Variants in ANO3 observed in about 807,000 individuals in gnomAD.
ANO3 encodes the protein anoctamin 3.
In ANO3, 99 loss-of-function variants were observed where a neutral mutation model predicts 144.8. The ratio of observed to expected loss-of-function variants is 0.68; its 90% CI spans 0.58 to 0.81. ANO3 has a LOEUF of 0.81. Ranked by LOEUF, ANO3 falls within the 30% of genes least tolerant of loss-of-function variation. The probability of loss-of-function intolerance (pLI) is 0.00; values close to 1 mark genes in which losing one functional copy is unlikely to be tolerated. For synonymous variants in ANO3, 414 were observed against 392.6 expected (o/e 1.05, Z -0.64); for missense variants, 905 against 1,202.2 (o/e 0.75, Z 3.66).
chr11:26,442,427 C>T (rs1024348052), intron 2 of ANO3, among the ~76,000 whole-genome samples: 1 of 152,310 alleles, frequency 6.6e-6, no homozygotes, highest in Non-Finnish European at 1.5e-5. Context: ...CTGGCGAGAA[C>T]TTATAACCAG....
intron 1 of ANO3, among the ~76,000 whole-genome samples, chr11:26,389,046 A>G (rs981467675): frequency 6.6e-6 from 1 of 152,162 alleles, no homozygotes; most frequent in African/African-American, 2.4e-5. Context: ...GCAAAATTCA[A>G]TGTTTAGAAG....
At chr11:26,365,981 TATATATATATATATA>T (rs1345056701) in intron 1 of ANO3, among the ~76,000 whole-genome samples, 135 of 7,252 alleles carry the variant, frequency 0.019, 3 homozygotes, top group Middle Eastern at 0.05. Flanking sequence ...TATATATATA[TATATATATATATATA>T]TATATATTTT....
chr11:26,259,772 CT>C (rs1853144010), intron 1 of ANO3, among the ~76,000 whole-genome samples: 2 of 152,166 alleles, frequency 1.3e-5, no homozygotes, highest in African/African-American at 4.8e-5. Flanking sequence ...ACTCCAAGCA[CT>C]TCTGACCATT....
At chr11:26,529,126 TATATAATATATATTATATA>T (rs1849243670) in intron 7 of ANO3, among the ~76,000 whole-genome samples, 1 of 2,916 alleles carries the variant, frequency 3.4e-4, no homozygotes, top group African/African-American at 3.7e-4. Context: ...ATATATATTA[TATATAATATATATTATATA>T]ATAATATATA....
At position 26,660,797 on chromosome 11, in the gene ANO3, T is replaced by C. The variant is rs1219031731; in HGVS notation, c.*353T>C. ...TGAAAGACAGATTTCCATGTAAATG[T>C]GCACAAGCCAGGCATGGCTTAAAAT... On this transcript the variant is annotated 3_prime_UTR_variant, in exon 27 of 27. Transcript: ENST00000256737. 5.0e-6 allele frequency: 1 copy of C among 200,634 alleles called. No homozygotes were observed. The highest frequency in any genetic ancestry group is 1.3e-4 in the East Asian group (1 of 7,448). The allele number at this position is 200,634 out of a possible 1,614,324, so 12.4% of individuals were successfully genotyped here. A position where few individuals can be genotyped will look rare whatever the true frequency, so the allele number is the denominator to read the frequency against.
At chr11:26,477,387 A>G (rs184295575) in intron 4 of ANO3, among the ~76,000 whole-genome samples, 2 of 152,180 alleles carry the variant, frequency 1.3e-5, no homozygotes, top group East Asian at 3.9e-4. Flanking sequence ...TTGTGTATGG[A>G]GTTTTCTCGA....
intron 1 of ANO3, among the ~76,000 whole-genome samples, chr11:26,272,982 T>A (rs1662312658): frequency 6.6e-6 from 1 of 152,142 alleles, no homozygotes; most frequent in Admixed American, 6.5e-5. Context: ...TCAAGCACCT[T>A]GGAAGCATGT....
intron 1 of ANO3, among the ~76,000 whole-genome samples, chr11:26,243,519 C>A (rs946572639): frequency 2.0e-5 from 3 of 151,904 alleles, no homozygotes; most frequent in African/African-American, 7.3e-5. Context: ...AAGCTATTTG[C>A]TTAGATAAAA....
At chr11:26,497,102 G>C (rs990015875) in intron 4 of ANO3, among the ~76,000 whole-genome samples, 1 of 150,378 alleles carries the variant, frequency 6.6e-6, no homozygotes, top group Non-Finnish European at 1.5e-5. Context: ...ATATATTTCT[G>C]TGTGTGTATA....
rs907134395 is a variant in ANO3, at chr11:26,396,993, GA to G, written c.47-44917del. Among the ~76,000 whole-genome samples, 14 of 149,746 alleles carry G rather than the reference GA, an allele frequency of 9.3e-5. 2 individuals are homozygous for G. The East Asian group carries it at 2.7e-3, about 29-fold the overall frequency. On this transcript the variant is annotated intron_variant, in intron 1 of 26. Transcript: ENST00000256737. ...AGACTGAGCTAACTAACCTCTCACA[GA>G]AAAAAAACAAAAACAAAAAAATAAA...
chr11:26,280,305 G>A (rs1853649521), intron 1 of ANO3, among the ~76,000 whole-genome samples: 1 of 152,076 alleles, frequency 6.6e-6, no homozygotes, highest in Admixed American at 6.6e-5. Context: ...GTGTATTAAG[G>A]TTCTCTAGCA....
At chr11:26,479,253 T>G (rs1004508619) in intron 4 of ANO3, among the ~76,000 whole-genome samples, 2 of 152,174 alleles carry the variant, frequency 1.3e-5, no homozygotes. Context: ...TCAAATTAGA[T>G]TTCTGTCATT....
chr11:26,370,035 A>G (rs1856204279), intron 1 of ANO3, among the ~76,000 whole-genome samples: 1 of 152,206 alleles, frequency 6.6e-6, no homozygotes, highest in Admixed American at 6.5e-5. Context: ...TATTTAGAAC[A>G]GCATATGTAC....
At chr11:26,383,888 CTTTTTTTTTTTTTTTTTT>C (rs61094091) in intron 1 of ANO3, among the ~76,000 whole-genome samples, 2 of 70,172 alleles carry the variant, frequency 2.9e-5, no homozygotes, top group South Asian at 8.3e-4. Context: ...ATGCATTGTT[CTTTTTTTTTTTTTTTTTT>C]TTTTTTTTTG....
chr11:26,475,636 T>C (rs1313522022), intron 4 of ANO3, among the ~76,000 whole-genome samples: 1 of 152,070 alleles, frequency 6.6e-6, no homozygotes, highest in Non-Finnish European at 1.5e-5. Context: ...GAGCTTCATA[T>C]TTGAAAACTT....
At chr11:26,315,168 G>A (rs1347464447) in intron 1 of ANO3, among the ~76,000 whole-genome samples, 1 of 151,660 alleles carries the variant, frequency 6.6e-6, no homozygotes, top group Non-Finnish European at 1.5e-5. Flanking sequence ...AATTCATCTT[G>A]TTTTCTATCA....
chr11:26,426,771 G>T lies in ANO3; in HGVS notation c.47-15147G>T, dbSNP rs1044691835. ...AAAATATGGTCACCTATCAGAGTCT[G>T]CAGCCCAATATCAAGAAGCTGCTAA... On this transcript the variant is annotated intron_variant, in intron 1 of 26. Transcript: ENST00000256737. Among the ~76,000 whole-genome samples, 3 of 152,156 alleles carry T rather than the reference G, an allele frequency of 2.0e-5. No individual in the cohort carries two copies. The South Asian group carries it at 6.2e-4, about 31-fold the overall frequency.
chr11:26,622,013 C>T (rs1034687302), intron 17 of ANO3, among the ~76,000 whole-genome samples: 1 of 152,078 alleles, frequency 6.6e-6, no homozygotes, highest in African/African-American at 2.4e-5. Context: ...CTGCCAGACA[C>T]CATACAGTTG....
At chr11:26,594,418 A>C (rs112821183) in intron 14 of ANO3, among the ~76,000 whole-genome samples, 4,907 of 152,292 alleles carry the variant, frequency 0.032, 81 homozygotes, top group African/African-American at 0.047. Context: ...GTAACATTAT[A>C]TCTCTCCATG....
Sources: gnomAD v4.1 joint callset for allele counts (sites outside exome capture counted in the v4.1 genomes callset) on GRCh38, gnomAD v4.1.1 for gene constraint, MANE v1.5 for transcripts, NCBI Gene and HGNC (gene_info 2026-07-23, HGNC 2026-07-21) for gene names.